XK: variants seen among roughly 807,000 people sequenced by gnomAD.
XK encodes the protein endoplasmic reticulum membrane adapter protein XK.
In XK, 2 loss-of-function variants were observed where a neutral mutation model predicts 14.0. That is an observed-to-expected ratio of 0.14 (90% CI 0.06 to 0.45). The LOEUF is 0.45. Ranked by LOEUF, XK falls within the 20% of genes least tolerant of loss-of-function variation. The pLI, the probability that XK is intolerant of heterozygous loss-of-function variation, is 0.98. For missense variants in XK, 235 were observed against 341.5 expected (o/e 0.69, Z 2.46); for synonymous variants, 149 against 147.5 (o/e 1.01, Z -0.08).
chrX:37,722,533 G>C (rs1198775969), intron 2 of XK, among the ~76,000 whole-genome samples: 2 of 112,141 alleles, frequency 1.8e-5, no homozygotes, highest in African/African-American at 3.2e-5. Context: ...TCAGAAATCT[G>C]TTGAAAATTC....
intron 1 of XK, among the ~76,000 whole-genome samples, chrX:37,689,200 A>AC (rs1191547616): frequency 1.8e-5 from 2 of 112,114 alleles, no homozygotes; most frequent in Non-Finnish European, 3.8e-5. Flanking sequence ...GAGTTATTGG[A>AC]CCCATGACCT....
intron 2 of XK, among the ~76,000 whole-genome samples, chrX:37,715,024 G>GTA (rs782247090): frequency 0.024 from 2,561 of 107,002 alleles, 61 homozygotes; most frequent in African/African-American, 0.07. Flanking sequence ...TATAGTGTGT[G>GTA]TATATATATA....
At chrX:37,692,664 G>A (rs1030380795) in intron 1 of XK, among the ~76,000 whole-genome samples, 3 of 112,213 alleles carry the variant, frequency 2.7e-5, no homozygotes, top group Non-Finnish European at 5.6e-5. Context: ...GCCTCCCAAA[G>A]TGCTGGGATT....
intron 1 of XK, among the ~76,000 whole-genome samples, chrX:37,687,878 G>T (rs916391975): frequency 5.5e-5 from 6 of 109,833 alleles, no homozygotes; most frequent in Non-Finnish European, 1.1e-4. Context: ...GAAAAAGAAA[G>T]GGAGGGAGGG....
Position 37,707,057 on chromosome X carries a change from C to T in XK, c.508+12509C>T, listed in dbSNP as rs782164225. Among the ~76,000 whole-genome samples the T allele has an allele frequency of 2.2e-3, 244 of 112,648 alleles. 1 individual carries two copies. The highest frequency in any genetic ancestry group is 4.6e-3 in the Middle Eastern group (1 of 219). ...TTTCTACACAGACACAGCAACCATC[C>T]GATTTCTCTATCTTTTCCCCACCTT... On this transcript the variant is annotated intron_variant, in intron 2 of 2. Coordinates refer to ENST00000378616, the MANE Select transcript of XK (RefSeq NM_021083.4).
intron 2 of XK, among the ~76,000 whole-genome samples, chrX:37,711,666 T>G (rs1337628490): frequency 8.9e-6 from 1 of 112,003 alleles, no homozygotes; most frequent in African/African-American, 3.2e-5. Flanking sequence ...AATTCTGCTT[T>G]CTAGGCTTAC....
chrX:37,721,750 A>G (rs1927877231), intron 2 of XK, among the ~76,000 whole-genome samples: 1 of 111,905 alleles, frequency 8.9e-6, no homozygotes, highest in South Asian at 3.6e-4. Context: ...TTGCACATGA[A>G]TGTTCATAAC....
chrX:37,720,410 C>A (rs1927846989), intron 2 of XK, among the ~76,000 whole-genome samples: 1 of 110,387 alleles, frequency 9.1e-6, no homozygotes, highest in African/African-American at 3.3e-5. Context: ...CTTTTTGATG[C>A]CTTTTTTAGG....
rs782138229 is a variant in XK, at chrX:37,725,568, C to T, written c.509-2068C>T. On this transcript the variant is annotated intron_variant, in intron 2 of 2. Coordinates refer to ENST00000378616, the MANE Select transcript of XK (RefSeq NM_021083.4). ...TAAAATTACACATGCTCTTACCCTGCGATCCAGCAAACAAATCACACCCAT... is the reference window on the plus strand; with the variant it reads ...TAAAATTACACATGCTCTTACCCTGTGATCCAGCAAACAAATCACACCCAT... 5.9e-4 allele frequency among the ~76,000 whole-genome samples: 66 copies of T among 111,018 alleles called. 1 individual carries two copies. Among genetic ancestry groups the T allele is most frequent in the Admixed American group, 2.8e-3 (29 of 10,469 alleles).
intron 2 of XK, among the ~76,000 whole-genome samples, chrX:37,717,863 G>C (rs972423157): frequency 2.0e-4 from 22 of 111,662 alleles, no homozygotes; most frequent in Admixed American, 1.9e-3. Context: ...TATATCTGCA[G>C]AATGAGTTTT....
chrX:37,703,632 G>A (rs191576582), intron 2 of XK, among the ~76,000 whole-genome samples: 1 of 112,276 alleles, frequency 8.9e-6, no homozygotes, highest in African/African-American at 3.2e-5. Flanking sequence ...GGCCACTGAG[G>A]CCCAGTGATA....
At chrX:37,696,015 T>A (rs1490451318) in intron 2 of XK, among the ~76,000 whole-genome samples, 1 of 112,317 alleles carries the variant, frequency 8.9e-6, no homozygotes, top group East Asian at 2.8e-4. Context: ...AGAAATCAGA[T>A]GTGATGATAG....
chrX:37,705,943 A>T (rs781987298), intron 2 of XK, among the ~76,000 whole-genome samples: 1 of 105,459 alleles, frequency 9.5e-6, no homozygotes, highest in South Asian at 4.2e-4. Context: ...TTGAGACAGG[A>T]TCTAACTTAT....
chrX:37,727,818 T>A lies in XK; in HGVS notation c.691T>A (p.Ser231Thr). 8.3e-7 allele frequency: 1 copy of A among 1,211,200 alleles called. No homozygotes were observed. Among genetic ancestry groups the A allele is most frequent in the Non-Finnish European group, 1.1e-6 (1 of 895,322 alleles). ...TRVVVLVLFT[S>T]VLKTWVVVII... is the part of the protein sequence containing the mutation. ...AGTTGTAGTCCTGGTCCTCTTTACC[T>A]CCGTCCTGAAGACCTGGGTGGTGGT... The change falls in exon 3 of 3, where the codon TCC becomes ACC. Residue 231 changes from serine to threonine, a missense_variant. Ser to Thr is a moderately conservative substitution (Grantham distance 58). Coordinates refer to ENST00000378616, the MANE Select transcript of XK (RefSeq NM_021083.4).
At chrX:37,690,800 G>C (rs1355953678) in intron 1 of XK, among the ~76,000 whole-genome samples, 1 of 111,837 alleles carries the variant, frequency 8.9e-6, no homozygotes, top group Admixed American at 9.5e-5. Flanking sequence ...CTGTCCCTTG[G>C]TGTAGATGAT....
chrX:37,687,342 A>G (rs1927103497), intron 1 of XK, among the ~76,000 whole-genome samples: 1 of 109,954 alleles, frequency 9.1e-6, no homozygotes, highest in East Asian at 2.8e-4. Context: ...ATCATAGCTC[A>G]TTGCATCCTC....
rs144850696 is a variant in XK, at chrX:37,687,675, C to T, written c.245+1469C>T. 7.9e-3 allele frequency among the ~76,000 whole-genome samples: 870 copies of T among 110,403 alleles called. 1 individual carries two copies. Among genetic ancestry groups the T allele is most frequent in the African/African-American group, 0.027 (824 of 30,297 alleles). ...ACGCCTGGCCATAAAATTTTTGCAC[C>T]TCATATTAAAGAAAACTGTTCCAGC... On this transcript the variant is annotated intron_variant, in intron 1 of 2. Coordinates refer to ENST00000378616, the MANE Select transcript of XK (RefSeq NM_021083.4).
chrX:37,729,255 T>G lies in XK; in HGVS notation c.*793T>G, dbSNP rs1002256177. ...ATAAGTAGAATTCTTACCATCTTAC[T>G]CCTGCCTCCCCATTCCTTGCCTGTC... is the stretch of plus-strand genomic sequence containing the variant. On this transcript the variant is annotated 3_prime_UTR_variant, in exon 3 of 3. Transcript: ENST00000378616. 7.2e-5 allele frequency: 8 copies of G among 111,587 alleles called. No homozygotes were observed. The highest frequency in any genetic ancestry group is 2.6e-4 in the African/African-American group (8 of 30,672). 9.2% of individuals were successfully genotyped at this position (111,587 alleles called of 1,213,427 possible).
intron 2 of XK, among the ~76,000 whole-genome samples, chrX:37,696,987 T>C (rs1046587410): frequency 1.8e-4 from 20 of 112,379 alleles, no homozygotes; most frequent in Middle Eastern, 9.2e-3. Flanking sequence ...CTATAGCTTT[T>C]CCAGAAATCT....
Sources: gnomAD v4.1 joint callset for allele counts (sites outside exome capture counted in the v4.1 genomes callset) on GRCh38, gnomAD v4.1.1 for gene constraint, MANE v1.5 for transcripts, NCBI Gene and HGNC (gene_info 2026-07-23, HGNC 2026-07-21) for gene names.